MEX3A: variants seen among roughly 807,000 people sequenced by gnomAD.
The protein encoded by MEX3A is mex-3 RNA binding family member A.
A neutral mutation model predicts 30.0 loss-of-function variants in MEX3A; 4 were observed. That is an observed-to-expected ratio of 0.13 (90% CI 0.07 to 0.30). The LOEUF is 0.30. Among genes scored for constraint, MEX3A ranks in the 10% least tolerant of loss-of-function variants. The probability of loss-of-function intolerance (pLI) is 1.00; values close to 1 mark genes in which losing one functional copy is unlikely to be tolerated. For missense variants in MEX3A, 555 were observed against 736.7 expected (o/e 0.75, Z 2.86); for synonymous variants, 335 against 327.6 (o/e 1.02, Z -0.24).
At chr1:156,078,632 G>C (rs1648135257) in intron 1 of MEX3A, among the ~76,000 whole-genome samples, 1 of 152,066 alleles carries the variant, frequency 6.6e-6, no homozygotes, top group Non-Finnish European at 1.5e-5. Flanking sequence ...GAAAAGTAAG[G>C]GCTATTCTGT....
chr1:156,077,010 C>T lies in MEX3A; in HGVS notation c.1127G>A (p.Gly376Asp), dbSNP rs768570201. Reference sequence around the variant, plus strand: ...CACGCCGTAGTACACATCCTGCTTGCCCACGCCATAGCCCGGAAAGAGGTA... The same window carrying T: ...CACGCCGTAGTACACATCCTGCTTGTCCACGCCATAGCCCGGAAAGAGGTA... ...GGYLFPGYGV[G>D]KQDVYYGVAE... Residue 376 changes from glycine to aspartate, a missense_variant, in exon 2 of 2, where the codon GGC becomes GAC. By Grantham distance (94) the Gly-to-Asp change is moderately conservative. Around this residue, in one of 6 missense-constraint regions of MEX3A, gnomAD observed 281 missense variants for 265.1 expected, o/e 1.06. Coordinates refer to ENST00000532414, the MANE Select transcript of MEX3A (RefSeq NM_001093725.2). This position sits in a 1 kb window ranked among gnomAD's most constrained non-coding sequence, Gnocchi z 8.3. 1.9e-6 allele frequency: 3 copies of T among 1,613,580 alleles called. No individual in the cohort carries two copies. In the East Asian group the frequency reaches 6.7e-5, roughly 36 times the overall value.
Position 156,072,343 on chromosome 1 carries a change from A to C in MEX3A, c.*4231T>G, listed in dbSNP as rs1572296258. 1 of 143,784 alleles carries C rather than the reference A, an allele frequency of 7.0e-6. No homozygotes were observed. Among genetic ancestry groups the C allele is most frequent in the Non-Finnish European group, 1.5e-5 (1 of 65,498 alleles). 8.9% of individuals were successfully genotyped at this position (143,784 alleles called of 1,614,324 possible). A position where few individuals can be genotyped will look rare whatever the true frequency, so the allele number is the denominator to read the frequency against. Reference sequence around the variant, plus strand: ...GAGTGGGGAAGGGGAAGCCCTCCCCACCCCAGACGCTACCATCCCAAACTA... The same window carrying C: ...GAGTGGGGAAGGGGAAGCCCTCCCCCCCCCAGACGCTACCATCCCAAACTA... On this transcript the variant is annotated 3_prime_UTR_variant, in exon 2 of 2. Transcript: ENST00000532414.
chr1:156,081,339 G>T (rs1558102393), intron 1 of MEX3A, among the ~76,000 whole-genome samples: 1 of 152,230 alleles, frequency 6.6e-6, no homozygotes. Context: ...GCAGAGTCCT[G>T]GGGGAGGAAG....
Position 156,077,833 on chromosome 1 carries a change from C to T in MEX3A, c.455-151G>A, listed in dbSNP as rs1037417304. On this transcript the variant is annotated intron_variant, in intron 1 of 1. Coordinates refer to ENST00000532414, the MANE Select transcript of MEX3A (RefSeq NM_001093725.2). The surrounding 1 kb of genome is among the most constrained non-coding windows in gnomAD (Gnocchi z 8.3). ...AAATGCCCACTGCTGCACACACAGT[C>T]CACCCTGACTTGAAGAAACCATTTA... is the stretch of plus-strand genomic sequence containing the variant. Among the ~76,000 whole-genome samples, 2 of 152,190 alleles carry T rather than the reference C, an allele frequency of 1.3e-5. No homozygotes were observed. The highest frequency in any genetic ancestry group is 4.8e-5 in the African/African-American group (2 of 41,450).
chr1:156,077,264 G>A lies in MEX3A; in HGVS notation c.873C>T (p.Arg291=), dbSNP rs1648105712. Residue 291 remains arginine (R), a synonymous_variant, in exon 2 of 2, where the codon CGC becomes CGT. Coordinates refer to ENST00000532414, the MANE Select transcript of MEX3A (RefSeq NM_001093725.2). The surrounding 1 kb of genome is among the most constrained non-coding windows in gnomAD (Gnocchi z 8.3). ...REEIETHIAV[R]TGKILEYNNE... is the part of the protein sequence containing the mutation. ...TGTTGTACTCGAGGATCTTGCCAGT[G>A]CGCACCGCGATGTGCGTCTCGATCT... 4 of 1,613,912 alleles carry A rather than the reference G, an allele frequency of 2.5e-6. No homozygotes were observed. The highest frequency in any genetic ancestry group is 1.1e-5 in the South Asian group (1 of 91,092).
chr1:156,077,473 C>A lies in MEX3A; in HGVS notation c.664G>T (p.Gly222Cys). 1.9e-6 allele frequency: 3 copies of A among 1,613,252 alleles called. No individual in the cohort carries two copies. The highest frequency in any genetic ancestry group is 2.5e-6 in the Non-Finnish European group (3 of 1,179,610). The change falls in exon 2 of 2, where the codon GGC becomes TGC. Residue 222 changes from glycine (G) to cysteine (C), a missense_variant. By Grantham distance (159) the Gly-to-Cys change is radical (BLOSUM62 -3). Transcript: ENST00000532414. This position sits in a 1 kb window ranked among gnomAD's most constrained non-coding sequence, Gnocchi z 8.3. ...AAFGVAPALP[G>C]QVTIRVRVPY... The stretch of plus-strand genomic sequence containing the variant: ...ACCCGCACACGGATGGTCACCTGGC[C>A]GGGCAGAGCAGGAGCCACACCAAAG...
At position 156,076,768 on chromosome 1, in the gene MEX3A, C is replaced by A; in HGVS notation, c.1369G>T (p.Gly457Trp). The A allele has an allele frequency of 6.3e-7, 1 of 1,593,078 alleles. No individual in the cohort carries two copies. The highest frequency in any genetic ancestry group is 8.5e-7 in the Non-Finnish European group (1 of 1,169,902). ...CCGCCGGGGCTCCGCAGGCCGCCCC[C>A]ACCAAGTTTAGAGAAGCCCTGGAGC... ...EPLQGFSKLGGGGLRSPGGGR... is the reference protein window; with the variant it reads ...EPLQGFSKLGWGGLRSPGGGR... The change falls in exon 2 of 2, where the codon GGG (glycine) becomes TGG (tryptophan). Residue 457 changes from glycine to tryptophan, a missense_variant. Gly to Trp is a radical substitution (Grantham distance 184). Transcript: ENST00000532414. The surrounding 1 kb of genome is among the most constrained non-coding windows in gnomAD (Gnocchi z 6.0).
chr1:156,077,812 G>A lies in MEX3A; in HGVS notation c.455-130C>T. Reference sequence around the variant, plus strand: ...AACACTTCAGTCTACCCTTTGAAATGCCCACTGCTGCACACACAGTCCACC... The same window carrying A: ...AACACTTCAGTCTACCCTTTGAAATACCCACTGCTGCACACACAGTCCACC... On this transcript the variant is annotated intron_variant, in intron 1 of 1. Transcript: ENST00000532414. The surrounding 1 kb of genome is among the most constrained non-coding windows in gnomAD (Gnocchi z 8.3). 7.6e-7 allele frequency: 1 copy of A among 1,314,252 alleles called. No individual in the cohort carries two copies. The highest frequency in any genetic ancestry group is 1.0e-6 in the Non-Finnish European group (1 of 988,378). 81.4% of individuals were successfully genotyped at this position (1,314,252 alleles called of 1,614,324 possible).
chr1:156,080,279 G>C (rs1648180812), intron 1 of MEX3A, among the ~76,000 whole-genome samples: 1 of 152,124 alleles, frequency 6.6e-6, no homozygotes, highest in South Asian at 2.1e-4. Context: ...GTGCCCCAGG[G>C]GGATGAGGGC....
rs944924796 is a variant in MEX3A at position 156,074,210 on chromosome 1, C to T, written c.*2364G>A. 2 of 151,846 alleles carry T rather than the reference C, an allele frequency of 1.3e-5. No homozygotes were observed. Among genetic ancestry groups the T allele is most frequent in the African/African-American group, 4.8e-5 (2 of 41,292 alleles). The allele number at this position is 151,846 out of a possible 1,614,324, so 9.4% of individuals were successfully genotyped here. On this transcript the variant is annotated 3_prime_UTR_variant, in exon 2 of 2. Coordinates refer to ENST00000532414, the MANE Select transcript of MEX3A (RefSeq NM_001093725.2). ...AATGTATTTTTTTCTTCTTCTCTCC[C>T]TACATATATTCTAAACCTTCTAAAG...
intron 1 of MEX3A, among the ~76,000 whole-genome samples, chr1:156,080,165 G>A (rs943123572): frequency 5.3e-5 from 8 of 152,046 alleles, no homozygotes; most frequent in African/African-American, 1.4e-4. Context: ...CCACACCCAA[G>A]AAAAGATAGC....
intron 1 of MEX3A, 53 bp downstream of exon 1, chr1:156,081,492 G>A: frequency 1.4e-6 from 2 of 1,477,070 alleles, no homozygotes; most frequent in Non-Finnish European, 1.9e-6. Flanking sequence ...CCGCGCTAGG[G>A]ACGAGGGTGC....
Position 156,076,855 on chromosome 1 carries a change from A to T in MEX3A, c.1282T>A (p.Ser428Thr). ...TCGGGTCCCGCGGAAGTGGCAGGGG[A>T]GCGGTGTGCGCCCGGGGGCCCAGCG... The part of the protein sequence containing the change: ...ARAGPPGAHR[S>T]PATSAGPELA... The change falls in exon 2 of 2, where the codon TCC (serine) becomes ACC (threonine). Residue 428 changes from serine (S) to threonine (T), a missense_variant. By Grantham distance (58) the Ser-to-Thr change is moderately conservative. Around this residue, in one of 6 missense-constraint regions of MEX3A, gnomAD observed 281 missense variants for 265.1 expected, o/e 1.06. Coordinates refer to ENST00000532414, the MANE Select transcript of MEX3A (RefSeq NM_001093725.2). This position sits in a 1 kb window ranked among gnomAD's most constrained non-coding sequence, Gnocchi z 6.0. 1 of 1,537,892 alleles carries T rather than the reference A, an allele frequency of 6.5e-7. No individual in the cohort carries two copies. Among genetic ancestry groups the T allele is most frequent in the South Asian group, 1.2e-5 (1 of 81,622 alleles).
chr1:156,080,096 G>A (rs1648177263), intron 1 of MEX3A, among the ~76,000 whole-genome samples: 1 of 152,188 alleles, frequency 6.6e-6, no homozygotes, highest in Admixed American at 6.5e-5. Flanking sequence ...CCCATCTGAT[G>A]CGGAGGCAGA....
rs769117344 is a variant in MEX3A at position 156,076,563 on chromosome 1, G to A, written c.*11C>T. On this transcript the variant is annotated 3_prime_UTR_variant, in exon 2 of 2. Coordinates refer to ENST00000532414, the MANE Select transcript of MEX3A (RefSeq NM_001093725.2). This position sits in a 1 kb window ranked among gnomAD's most constrained non-coding sequence, Gnocchi z 6.0. ...CAGTGGAGTGGGCCCCGGAGGCATG[G>A]GGCACGGGGCTTAGGAGAATATTCG... 8 of 1,601,384 alleles carry A rather than the reference G, an allele frequency of 5.0e-6. No individual in the cohort carries two copies. In the Admixed American group the frequency reaches 1.3e-4, roughly 27 times the overall value.
Position 156,072,997 on chromosome 1 carries a change from G to T in MEX3A, c.*3577C>A. 6.6e-6 allele frequency: 1 copy of T among 152,548 alleles called. No homozygotes were observed. 9.4% of individuals were successfully genotyped at this position (152,548 alleles called of 1,614,324 possible). ...CAAAGCTAAGTGGAAAGCTGGATGG[G>T]AACAGGGGTAGGGGACTGATCGCCT... On this transcript the variant is annotated 3_prime_UTR_variant, in exon 2 of 2. Transcript: ENST00000532414.
chr1:156,079,120 T>C (rs948236415), intron 1 of MEX3A, among the ~76,000 whole-genome samples: 2 of 152,146 alleles, frequency 1.3e-5, no homozygotes, highest in Non-Finnish European at 2.9e-5. Flanking sequence ...GCTCATTTTT[T>C]CCTCCTTCCT....
intron 1 of MEX3A, among the ~76,000 whole-genome samples, chr1:156,079,665 G>A (rs1189486046): frequency 2.0e-5 from 3 of 152,138 alleles, no homozygotes; most frequent in African/African-American, 7.2e-5. Context: ...TATTTTCGAG[G>A]TATGGAGGGT....
intron 1 of MEX3A, 89 bp downstream of exon 1, chr1:156,081,456 G>A (rs1648233904): frequency 1.5e-5 from 17 of 1,157,216 alleles, no homozygotes; most frequent in Non-Finnish European, 2.0e-5. Flanking sequence ...AGCCGGAGGC[G>A]GGCAAGAAGG....
Sources: gnomAD v4.1 joint callset for allele counts (sites outside exome capture counted in the v4.1 genomes callset) on GRCh38, gnomAD v4.1.1 for gene constraint, gnomAD v4.1.1 regional missense constraint, Gnocchi (gnomAD v3.1) non-coding constraint, MANE v1.5 for transcripts, NCBI Gene and HGNC (gene_info 2026-07-23, HGNC 2026-07-21) for gene names.